The following FSTL5 variants were observed in gnomAD, a reference collection of about 807,000 sequenced individuals.
FSTL5 encodes the protein follistatin-related protein 5.
Under a neutral mutation model 89.1 loss-of-function variants are expected in FSTL5, and 62 were observed. That is an observed-to-expected ratio of 0.70 (90% CI 0.57 to 0.86). FSTL5 has a LOEUF of 0.86. Among genes scored for constraint, FSTL5 ranks in the 40% least tolerant of loss-of-function variants. The pLI is 0.00. For synonymous variants in FSTL5, 383 were observed against 346.2 expected (o/e 1.11, Z -1.18); for missense variants, 1,057 against 1,001.6 (o/e 1.06, Z -0.75).
At chr4:161,646,062 A>G (rs935788755) in intron 7 of FSTL5, among the ~76,000 whole-genome samples, 4 of 150,842 alleles carry the variant, frequency 2.7e-5, no homozygotes, top group Non-Finnish European at 5.9e-5. Flanking sequence ...GTTAAAAAAA[A>G]TTTTGCAGAT....
chr4:161,754,165 C>T, intron 6 of FSTL5, among the ~76,000 whole-genome samples: 1 of 150,062 alleles, frequency 6.7e-6, no homozygotes, highest in Non-Finnish European at 1.5e-5. Context: ...ATCATAGTTA[C>T]CTCTTTTAAA....
intron 3 of FSTL5, among the ~76,000 whole-genome samples, chr4:161,970,253 C>T (rs10021221): frequency 0.32 from 48,810 of 151,848 alleles, 9,781 homozygotes; most frequent in Non-Finnish European, 0.43. Context: ...GATTTTAAAA[C>T]GCTAAGGATT....
At chr4:161,767,086 A>G (rs1233475081) in intron 5 of FSTL5, among the ~76,000 whole-genome samples, 2 of 152,192 alleles carry the variant, frequency 1.3e-5, no homozygotes, top group Non-Finnish European at 2.9e-5. Flanking sequence ...TTAAATAACA[A>G]TGTGAATAAA....
chr4:161,447,124 T>C (rs1732971004), intron 15 of FSTL5, among the ~76,000 whole-genome samples: 1 of 152,010 alleles, frequency 6.6e-6, no homozygotes. Flanking sequence ...CTTTGCATAA[T>C]AAAACTCAAG....
chr4:161,724,889 G>A (rs1006665433), intron 6 of FSTL5, among the ~76,000 whole-genome samples: 15 of 152,060 alleles, frequency 9.9e-5, no homozygotes, highest in African/African-American at 3.4e-4. Context: ...TGCTTGTGGT[G>A]TGTTTAGAAT....
chr4:161,663,863 T>G lies in FSTL5; in HGVS notation c.728-7369A>C, dbSNP rs532416032. On this transcript the variant is annotated intron_variant, in intron 6 of 15. Coordinates refer to ENST00000306100, the MANE Select transcript of FSTL5 (RefSeq NM_020116.5). ...CATCCAGGCATTTCCACACAGCCTT[T>G]AAAATCTAGGCAGAGGTTCCCCAAT... Among the ~76,000 whole-genome samples, 3 of 152,310 alleles carry G rather than the reference T, an allele frequency of 2.0e-5. No homozygotes were observed. The East Asian group carries it at 5.8e-4, about 29-fold the overall frequency.
chr4:162,053,111 G>A (rs543982142), intron 2 of FSTL5, among the ~76,000 whole-genome samples: 1 of 151,738 alleles, frequency 6.6e-6, no homozygotes, highest in Admixed American at 6.6e-5. Flanking sequence ...GTCTGTGTCT[G>A]GGATGCAAAC....
intron 4 of FSTL5, among the ~76,000 whole-genome samples, chr4:161,784,647 C>G (rs1741817272): frequency 6.6e-6 from 1 of 152,036 alleles, no homozygotes; most frequent in Non-Finnish European, 1.5e-5. Flanking sequence ...GTAATCCCAG[C>G]ACTTTGGAAG....
At chr4:161,399,328 A>G (rs1731104105) in intron 15 of FSTL5, among the ~76,000 whole-genome samples, 1 of 152,158 alleles carries the variant, frequency 6.6e-6, no homozygotes, top group Non-Finnish European at 1.5e-5. Flanking sequence ...AACAATTAAC[A>G]CATATTTTGT....
intron 6 of FSTL5, among the ~76,000 whole-genome samples, chr4:161,749,362 A>G (rs549331515): frequency 6.6e-6 from 1 of 152,308 alleles, no homozygotes; most frequent in African/African-American, 2.4e-5. Context: ...CATAAAAATG[A>G]ATGAAATCAA....
intron 4 of FSTL5, among the ~76,000 whole-genome samples, chr4:161,910,070 A>G (rs1733647386): frequency 6.6e-6 from 1 of 152,034 alleles, no homozygotes; most frequent in South Asian, 2.1e-4. Flanking sequence ...AAACTTTCCA[A>G]ATCAATGTTC....
intron 7 of FSTL5, among the ~76,000 whole-genome samples, chr4:161,615,008 C>G (rs571335143): frequency 6.6e-6 from 1 of 151,792 alleles, no homozygotes; most frequent in African/African-American, 2.4e-5. Flanking sequence ...GAAATAAAAG[C>G]CTTTGGCTGG....
intron 4 of FSTL5, among the ~76,000 whole-genome samples, chr4:161,841,766 T>C (rs554460067): frequency 1.7e-4 from 26 of 152,318 alleles, no homozygotes; most frequent in African/African-American, 6.0e-4. Context: ...ATGTAGTAGT[T>C]GCATGGTGAA....
chr4:161,410,008 C>A lies in FSTL5; in HGVS notation c.1842-23559G>T, dbSNP rs114374768. ...GAGACCGATTTCACATCTATTGATA[C>A]CCACAGGCTAAAAGTAAATGAGTGG... On this transcript the variant is annotated intron_variant, in intron 15 of 15. Transcript: ENST00000306100. 5.7e-3 allele frequency among the ~76,000 whole-genome samples: 868 copies of A among 152,204 alleles called. 10 individuals carry two copies. The highest frequency in any genetic ancestry group is 0.02 in the African/African-American group (830 of 41,514).
chr4:161,707,701 T>C (rs1310891335), intron 6 of FSTL5, among the ~76,000 whole-genome samples: 1 of 151,972 alleles, frequency 6.6e-6, no homozygotes, highest in East Asian at 1.9e-4. Context: ...TCCTCTTATT[T>C]TGCAATTTAA....
At chr4:161,878,697 C>T (rs1220234876) in intron 4 of FSTL5, among the ~76,000 whole-genome samples, 1 of 152,016 alleles carries the variant, frequency 6.6e-6, no homozygotes, top group African/African-American at 2.4e-5. Context: ...TAGTAGCCAA[C>T]ACCAAAAGTG....
chr4:161,703,799 C>T (rs745382802), intron 6 of FSTL5, among the ~76,000 whole-genome samples: 7 of 152,094 alleles, frequency 4.6e-5, no homozygotes, highest in Non-Finnish European at 1.0e-4. Flanking sequence ...AATATTGGGA[C>T]TTATGATATA....
At chr4:161,918,715 G>T (rs1733907029) in intron 4 of FSTL5, among the ~76,000 whole-genome samples, 1 of 151,854 alleles carries the variant, frequency 6.6e-6, no homozygotes, top group African/African-American at 2.4e-5. Flanking sequence ...TGCTATCTCG[G>T]CTCACTGCAA....
chr4:161,694,623 C>T (rs1469692252), intron 6 of FSTL5, among the ~76,000 whole-genome samples: 1 of 151,876 alleles, frequency 6.6e-6, no homozygotes, highest in Non-Finnish European at 1.5e-5. Flanking sequence ...AATTCAACAC[C>T]TAGGCTTTCT....
Sources: allele counts gnomAD v4.1 joint callset (sites outside exome capture counted in the v4.1 genomes callset), GRCh38; gene constraint gnomAD v4.1.1; transcripts MANE v1.5; gene names NCBI Gene and HGNC (gene_info 2026-07-23, HGNC 2026-07-21).